The following CLEC9A variants were observed in gnomAD, a reference collection of about 807,000 sequenced individuals.
CLEC9A encodes the protein C-type lectin domain family 9 member A.
In CLEC9A, 24 loss-of-function variants were observed where a neutral mutation model predicts 30.0. The observed-to-expected ratio is 0.80, with a 90% CI of 0.58 to 1.13. The LOEUF (loss-of-function observed/expected upper bound fraction) is 1.13, where lower values mean the gene tolerates loss of function less well. Among genes scored for constraint, CLEC9A ranks in the 50% most tolerant of loss-of-function variants. CLEC9A has a pLI of 0.00. For synonymous variants in CLEC9A, 111 were observed against 96.8 expected (o/e 1.15, Z -0.86); for missense variants, 251 against 280.9 (o/e 0.89, Z 0.76).
chr12:10,032,516 G>A (rs73259758), intron 1 of CLEC9A, among the ~76,000 whole-genome samples: 5,568 of 150,078 alleles, frequency 0.037, 258 homozygotes, highest in African/African-American at 0.1. Context: ...TCAGCCTCTC[G>A]AGTAGCTGGG....
chr12:10,046,851 T>C (rs1565590435), intron 2 of CLEC9A, among the ~76,000 whole-genome samples: 1 of 152,196 alleles, frequency 6.6e-6, no homozygotes, highest in Non-Finnish European at 1.5e-5. Flanking sequence ...ACTCTCTGTA[T>C]GGCTTTGGAT....
At chr12:10,050,912 T>C (rs1275090139) in intron 2 of CLEC9A, among the ~76,000 whole-genome samples, 2 of 152,238 alleles carry the variant, frequency 1.3e-5, no homozygotes, top group African/African-American at 4.8e-5. Flanking sequence ...ATATAAAATA[T>C]TGAAGAATGG....
At chr12:10,039,697 T>G (rs1252213680) in intron 1 of CLEC9A, among the ~76,000 whole-genome samples, 1 of 152,252 alleles carries the variant, frequency 6.6e-6, no homozygotes, top group Non-Finnish European at 1.5e-5. Flanking sequence ...AGTGGCACAT[T>G]GTAGTCTGCG....
chr12:10,058,420 A>G (rs1451855592), intron 5 of CLEC9A, among the ~76,000 whole-genome samples: 1 of 152,226 alleles, frequency 6.6e-6, no homozygotes, highest in Admixed American at 6.5e-5. Context: ...TTTGTTAACT[A>G]TCCACCGATG....
chr12:10,058,289 A>G (rs1865960934), intron 5 of CLEC9A, among the ~76,000 whole-genome samples: 1 of 152,206 alleles, frequency 6.6e-6, no homozygotes, highest in African/African-American at 2.4e-5. Flanking sequence ...TCAAAGTCTA[A>G]ACATGCCAGA....
At chr12:10,055,917 G>T (rs1057020041) in intron 5 of CLEC9A, among the ~76,000 whole-genome samples, 9 of 151,712 alleles carry the variant, frequency 5.9e-5, no homozygotes, top group South Asian at 4.2e-4. Context: ...AAATTAGCCG[G>T]GAGTGGTGGG....
intron 1 of CLEC9A, among the ~76,000 whole-genome samples, chr12:10,033,468 A>T (rs563387197): frequency 6.6e-6 from 1 of 152,084 alleles, no homozygotes; most frequent in Non-Finnish European, 1.5e-5. Context: ...ATTGACTTTG[A>T]TATATTTTAG....
In CLEC9A at chr12:10,042,821, T is replaced by C. The variant is rs921775244; in HGVS notation, c.-163+1201T>C. Among the ~76,000 whole-genome samples the C allele has an allele frequency of 2.6e-5, 4 of 152,204 alleles. No individual in the cohort carries two copies. In the East Asian group the frequency reaches 7.7e-4, roughly 29 times the overall value. On this transcript the variant is annotated intron_variant, in intron 2 of 8. Transcript: ENST00000355819. ...CAAGCTAAGCAATAAAACCAAACCA[T>C]GTAGAGTTTTAAATCTAAGGAATAT...
intron 7 of CLEC9A, 22 bp downstream of exon 7, chr12:10,063,228 C>T (rs755139653): frequency 1.3e-6 from 2 of 1,530,864 alleles, no homozygotes; most frequent in South Asian, 2.6e-5. Context: ...TTTGTGGTCT[C>T]ATGTTATTCT....
intron 5 of CLEC9A, among the ~76,000 whole-genome samples, chr12:10,056,990 T>G (rs982055195): frequency 1.3e-5 from 2 of 152,136 alleles, no homozygotes; most frequent in African/African-American, 4.8e-5. Context: ...TTCTAGTGAC[T>G]ATTAATTTTT....
chr12:10,050,324 G>C (rs373016224), intron 2 of CLEC9A, among the ~76,000 whole-genome samples: 11 of 152,202 alleles, frequency 7.2e-5, no homozygotes, highest in Admixed American at 2.0e-4. Context: ...ACCATATGTT[G>C]TTGGAAAAAA....
At chr12:10,058,197 T>C (rs531727364) in intron 5 of CLEC9A, among the ~76,000 whole-genome samples, 11 of 152,346 alleles carry the variant, frequency 7.2e-5, no homozygotes, top group African/African-American at 2.6e-4. Context: ...CAACAGCTTC[T>C]ATGATATAGC....
At chr12:10,031,351 A>T (rs1316246883) in intron 1 of CLEC9A, among the ~76,000 whole-genome samples, 1 of 152,176 alleles carries the variant, frequency 6.6e-6, no homozygotes, top group Non-Finnish European at 1.5e-5. Flanking sequence ...TCAGTCTAAA[A>T]TGCCCTCTGC....
rs544902044 is a variant in CLEC9A, at chr12:10,036,129, T to C, written c.-318+5157T>C. Reference sequence around the variant, plus strand: ...TGCAAATGCCTGATAAACTTTGTGATAGGACTGCAGTCTGACACATTTTTC... The same window carrying C: ...TGCAAATGCCTGATAAACTTTGTGACAGGACTGCAGTCTGACACATTTTTC... On this transcript the variant is annotated intron_variant, in intron 1 of 8. Transcript: ENST00000355819. Among the ~76,000 whole-genome samples, 6 of 152,160 alleles carry C rather than the reference T, an allele frequency of 3.9e-5. 1 individual carries two copies. In the South Asian group the frequency reaches 8.3e-4, roughly 21 times the overall value.
At chr12:10,035,836 C>T (rs1382819221) in intron 1 of CLEC9A, among the ~76,000 whole-genome samples, 1 of 152,178 alleles carries the variant, frequency 6.6e-6, no homozygotes, top group African/African-American at 2.4e-5. Flanking sequence ...AGCTCCCGGG[C>T]TCAAGCAATC....
intron 1 of CLEC9A, among the ~76,000 whole-genome samples, chr12:10,037,591 T>A (rs1865754414): frequency 6.6e-6 from 1 of 152,150 alleles, no homozygotes; most frequent in Non-Finnish European, 1.5e-5. Context: ...AACGTTCACA[T>A]TTTGGGACAT....
intron 1 of CLEC9A, among the ~76,000 whole-genome samples, chr12:10,040,254 A>G (rs989897271): frequency 6.6e-6 from 1 of 152,234 alleles, no homozygotes; most frequent in African/African-American, 2.4e-5. Context: ...CCTGTATTCA[A>G]GAAAATGTCA....
chr12:10,048,049 A>C lies in CLEC9A; in HGVS notation c.-162-3942A>C, dbSNP rs12301304. 9.1e-3 allele frequency among the ~76,000 whole-genome samples: 1,373 copies of C among 151,386 alleles called. 22 individuals carry two copies. The highest frequency in any genetic ancestry group is 0.03 in the African/African-American group (1,259 of 41,326). ...GAGATCGAGACCATCCTGGCTAACA[A>C]GGTGAAACCCCGTCTCTACTAAAAA... On this transcript the variant is annotated intron_variant, in intron 2 of 8. Coordinates refer to ENST00000355819, the MANE Select transcript of CLEC9A (RefSeq NM_207345.4).
chr12:10,040,025 G>A (rs61918591), intron 1 of CLEC9A, among the ~76,000 whole-genome samples: 25,456 of 152,106 alleles, frequency 0.17, 2,514 homozygotes, highest in South Asian at 0.39. Context: ...GTTTCGCCAC[G>A]TTGGCCAGGC....
Sources: gnomAD v4.1 joint callset for allele counts (sites outside exome capture counted in the v4.1 genomes callset) on GRCh38, gnomAD v4.1.1 for gene constraint, MANE v1.5 for transcripts, NCBI Gene and HGNC (gene_info 2026-07-23, HGNC 2026-07-21) for gene names.